CTNNA3: variants seen among roughly 807,000 people sequenced by gnomAD.
CTNNA3 encodes the protein catenin alpha 3.
CTNNA3 carries 76 observed loss-of-function variants against 95.7 expected under a neutral mutation model. The ratio of observed to expected loss-of-function variants is 0.79; its 90% CI spans 0.66 to 0.96. The LOEUF (loss-of-function observed/expected upper bound fraction) is 0.96. Among genes scored for constraint, CTNNA3 ranks in the 40% least tolerant of loss-of-function variants. CTNNA3 has a pLI of 0.00. For missense variants in CTNNA3, 1,191 were observed against 1,089.8 expected, an observed-to-expected ratio of 1.09 and a Z score of -1.31; for synonymous variants, 431 against 374.4, an observed-to-expected ratio of 1.15 and a Z score of -1.74.
intron 12 of CTNNA3, among the ~76,000 whole-genome samples, chr10:66,286,274 T>C (rs1249325563): frequency 1.3e-5 from 2 of 152,056 alleles, no homozygotes; most frequent in African/African-American, 4.8e-5. Context: ...ATACCATCTT[T>C]TACTTTTTAG....
At chr10:66,908,566 T>G (rs1216449141) in intron 7 of CTNNA3, among the ~76,000 whole-genome samples, 1 of 152,044 alleles carries the variant, frequency 6.6e-6, no homozygotes, top group Admixed American at 6.5e-5. Context: ...TGAATACTAC[T>G]TAGGTTAAGT....
intron 10 of CTNNA3, among the ~76,000 whole-genome samples, chr10:66,539,368 A>G (rs1046277466): frequency 2.6e-5 from 4 of 152,098 alleles, no homozygotes; most frequent in Non-Finnish European, 4.4e-5. Context: ...TTGAAGAGAA[A>G]AAGAGAGTAA....
At chr10:66,076,900 T>C (rs1053944739) in intron 14 of CTNNA3, among the ~76,000 whole-genome samples, 1 of 151,714 alleles carries the variant, frequency 6.6e-6, no homozygotes, top group Non-Finnish European at 1.5e-5. Flanking sequence ...TCTCCTATAA[T>C]GAAACCCTCT....
In CTNNA3 at chr10:66,287,827, T is replaced by C. The variant is rs1000520794; in HGVS notation, c.1733-7206A>G. ...TTCTATTAACTGTCAGGAAGACACT[T>C]GGCACACATACTCTTAAAACAAGAG... is the stretch of plus-strand genomic sequence containing the variant. On this transcript the variant is annotated intron_variant, in intron 12 of 17. Coordinates refer to ENST00000433211, the MANE Select transcript of CTNNA3 (RefSeq NM_013266.4). Among the ~76,000 whole-genome samples, 7 of 152,218 alleles carry C rather than the reference T, an allele frequency of 4.6e-5. No homozygotes were observed. The South Asian group carries it at 6.2e-4, about 14-fold the overall frequency.
chr10:66,385,605 T>A (rs889981817), intron 11 of CTNNA3, among the ~76,000 whole-genome samples: 12 of 152,124 alleles, frequency 7.9e-5, no homozygotes, highest in Non-Finnish European at 1.6e-4. Flanking sequence ...GCCAGCATCA[T>A]CCTGATACCA....
chr10:67,623,214 C>A (rs1004638074), intron 2 of CTNNA3, among the ~76,000 whole-genome samples: 18 of 152,276 alleles, frequency 1.2e-4, no homozygotes, highest in African/African-American at 4.3e-4. Context: ...AAAGCAACCA[C>A]AAACAAAACT....
intron 5 of CTNNA3, among the ~76,000 whole-genome samples, chr10:67,327,861 G>A (rs1433186515): frequency 6.6e-6 from 1 of 152,214 alleles, no homozygotes; most frequent in Non-Finnish European, 1.5e-5. Context: ...TCACCCTGAA[G>A]GTGGTGTTTT....
At chr10:66,699,373 A>T (rs983717753) in intron 9 of CTNNA3, among the ~76,000 whole-genome samples, 6 of 151,656 alleles carry the variant, frequency 4.0e-5, no homozygotes, top group African/African-American at 1.5e-4. Context: ...TCTCGCCAAC[A>T]CTTGTTATCT....
At chr10:67,750,821 C>T (rs954605600) in intron 1 of CTNNA3, 1 of 1,610,298 alleles carries the variant, frequency 6.2e-7, no homozygotes, top group African/African-American at 1.3e-5. Context: ...AAATATAAAC[C>T]AGTGACTAAC....
intron 7 of CTNNA3, among the ~76,000 whole-genome samples, chr10:66,973,093 T>C (rs754835396): frequency 3.9e-5 from 6 of 152,346 alleles, no homozygotes; most frequent in Non-Finnish European, 7.4e-5. Flanking sequence ...TTTTTATTGC[T>C]TCTCAGCCTT....
intron 14 of CTNNA3, among the ~76,000 whole-genome samples, chr10:66,095,154 G>A (rs2081345760): frequency 6.6e-6 from 1 of 152,116 alleles, no homozygotes; most frequent in Admixed American, 6.6e-5. Context: ...GCCTACATAT[G>A]ATATTTGAAA....
intron 7 of CTNNA3, among the ~76,000 whole-genome samples, chr10:66,858,089 T>A (rs190549787): frequency 6.6e-6 from 1 of 152,230 alleles, no homozygotes; most frequent in East Asian, 1.9e-4. Flanking sequence ...AATGCCTAGT[T>A]TATTGAGGAT....
At chr10:66,792,497 A>G (rs1352472334) in intron 7 of CTNNA3, among the ~76,000 whole-genome samples, 1 of 152,182 alleles carries the variant, frequency 6.6e-6, no homozygotes, top group Admixed American at 6.6e-5. Flanking sequence ...CTCACACAGC[A>G]GGTACACAGA....
At chr10:66,699,630 A>C (rs1360168245) in intron 9 of CTNNA3, among the ~76,000 whole-genome samples, 1 of 151,596 alleles carries the variant, frequency 6.6e-6, no homozygotes, top group African/African-American at 2.4e-5. Flanking sequence ...ATACATATGC[A>C]TATTTTAATA....
chr10:66,557,762 A>G (rs1189727206), intron 10 of CTNNA3, among the ~76,000 whole-genome samples: 1 of 152,140 alleles, frequency 6.6e-6, no homozygotes, highest in African/African-American at 2.4e-5. Flanking sequence ...CTGATTATGC[A>G]TGAAATGTTC....
intron 7 of CTNNA3, among the ~76,000 whole-genome samples, chr10:66,809,026 C>T (rs1841770838): frequency 6.6e-6 from 1 of 152,126 alleles, no homozygotes; most frequent in African/African-American, 2.4e-5. Flanking sequence ...GCATTGGTTA[C>T]CTCCACGACT....
intron 7 of CTNNA3, among the ~76,000 whole-genome samples, chr10:67,009,538 T>C (rs1289686712): frequency 6.6e-6 from 1 of 152,162 alleles, no homozygotes; most frequent in East Asian, 1.9e-4. Context: ...TTTGTTTGTT[T>C]GTTTGCTTGT....
At chr10:66,347,313 T>C (rs2092530121) in intron 12 of CTNNA3, among the ~76,000 whole-genome samples, 1 of 152,060 alleles carries the variant, frequency 6.6e-6, no homozygotes, top group South Asian at 2.1e-4. Flanking sequence ...TTTTATGTCT[T>C]ATTAAGAGCC....
chr10:66,536,473 C>A (rs1841663154), intron 10 of CTNNA3, among the ~76,000 whole-genome samples: 3 of 110,388 alleles, frequency 2.7e-5, no homozygotes, highest in East Asian at 2.1e-4. Flanking sequence ...CAGAGCAAGA[C>A]TCTGTCTCAA....
Sources: allele counts gnomAD v4.1 joint callset (sites outside exome capture counted in the v4.1 genomes callset), GRCh38; gene constraint gnomAD v4.1.1; transcripts MANE v1.5; gene names NCBI Gene and HGNC (gene_info 2026-07-23, HGNC 2026-07-21).